Variants in MON2 observed in about 807,000 individuals in gnomAD.
MON2 encodes the protein protein MON2 homolog.
Under a neutral mutation model 208.6 loss-of-function variants are expected in MON2, and 84 were observed. The ratio of observed to expected loss-of-function variants is 0.40; its 90% CI spans 0.34 to 0.48. The LOEUF (loss-of-function observed/expected upper bound fraction) is 0.48. Among genes scored for constraint, MON2 ranks in the 20% least tolerant of loss-of-function variants. The pLI is 0.59. For synonymous variants in MON2, 660 were observed against 694.0 expected (o/e 0.95, Z 0.77); for missense variants, 1,611 against 2,015.4 (o/e 0.80, Z 3.84).
chr12:62,506,883 A>G (rs1441484939), intron 7 of MON2, among the ~76,000 whole-genome samples: 1 of 152,206 alleles, frequency 6.6e-6, no homozygotes, highest in Non-Finnish European at 1.5e-5. Flanking sequence ...GATGACAACA[A>G]CAAAATGTAT....
intron 6 of MON2, 66 bp downstream of exon 6, chr12:62,500,946 G>A (rs964978677): frequency 3.2e-6 from 3 of 930,392 alleles, no homozygotes; most frequent in Non-Finnish European, 4.8e-6. Flanking sequence ...TTTAGTTGGG[G>A]ATTTTATGTC....
rs1158785600 is a variant in MON2 at position 62,513,791 on chromosome 12, C to CA, written c.984+5320dup. On this transcript the variant is annotated intron_variant, in intron 8 of 34. Transcript: ENST00000393630. ...GAAACCCCATCTCTACTAAAAAATA[C>CA]AAAAAAAAACTAGCCGAGCGTGGTG... Among the ~76,000 whole-genome samples the CA allele has an allele frequency of 2.7e-4, 34 of 126,356 alleles. 3 individuals carry two copies. In the East Asian group the frequency reaches 7.5e-3, roughly 28 times the overall value. 82.9% of individuals were successfully genotyped at this position (126,356 alleles called of 152,430 possible). A position where few individuals can be genotyped will look rare whatever the true frequency, so the allele number is the denominator to read the frequency against.
At chr12:62,467,839 A>G (rs1321704599) in intron 1 of MON2, among the ~76,000 whole-genome samples, 1 of 152,224 alleles carries the variant, frequency 6.6e-6, no homozygotes, top group Non-Finnish European at 1.5e-5. Flanking sequence ...GAAGATCCAC[A>G]TAATCATGTT....
chr12:62,519,582 A>G (rs1466437730), intron 8 of MON2, among the ~76,000 whole-genome samples: 1 of 152,212 alleles, frequency 6.6e-6, no homozygotes, highest in Non-Finnish European at 1.5e-5. Context: ...TAAAGAAAAA[A>G]TTATTTTACG....
In MON2 at chr12:62,538,311, G is replaced by A. The variant is rs181083326; in HGVS notation, c.2259G>A (p.Leu753=). 1.2e-6 allele frequency: 2 copies of A among 1,612,548 alleles called. No homozygotes were observed. Among genetic ancestry groups the A allele is most frequent in the Non-Finnish European group, 1.7e-6 (2 of 1,178,670 alleles). The change falls in exon 18 of 35, where the codon TTG becomes TTA. Residue 753 remains leucine, a synonymous_variant. Coordinates refer to ENST00000393630, the MANE Select transcript of MON2 (RefSeq NM_015026.3). ...LPVISNILSR[L]FESSQYLDDV... is the part of the protein sequence containing the mutation. ...TGATTTCCAATATACTTTCAAGATT[G>A]TTTGAAAGCTCACAGTAAGAGTCAG...
At chr12:62,537,825 A>G in intron 16 of MON2, 119 bp downstream of exon 16, 1 of 805,176 alleles carries the variant, frequency 1.2e-6, no homozygotes, top group Admixed American at 2.8e-5. Flanking sequence ...AGTAAGTATG[A>G]AAAAAGAGAA....
intron 4 of MON2, among the ~76,000 whole-genome samples, chr12:62,496,474 T>G (rs2136060855): frequency 6.6e-6 from 1 of 152,246 alleles, no homozygotes; most frequent in South Asian, 2.1e-4. Context: ...TCCTTTATGT[T>G]GAAATCTAAA....
intron 12 of MON2, among the ~76,000 whole-genome samples, chr12:62,533,407 A>AT (rs1301470372): frequency 1.3e-5 from 2 of 152,116 alleles, no homozygotes; most frequent in Admixed American, 6.5e-5. Flanking sequence ...GCATTTTTTT[A>AT]TTTTTTAAAA....
chr12:62,519,230 C>T (rs1418657766), intron 8 of MON2, among the ~76,000 whole-genome samples: 1 of 152,106 alleles, frequency 6.6e-6, no homozygotes, highest in Admixed American at 6.6e-5. Flanking sequence ...CTGTCTGCCA[C>T]CTCTAGCAGC....
rs2073961926 is a variant in MON2, at chr12:62,556,273, C to G, written c.3409+81C>G. 2.3e-6 allele frequency: 3 copies of G among 1,283,622 alleles called. No homozygotes were observed. In the East Asian group the frequency reaches 7.5e-5, roughly 32 times the overall value. The allele number at this position is 1,283,622 out of a possible 1,614,324, so 79.5% of individuals were successfully genotyped here. On this transcript the variant is annotated intron_variant, in intron 25 of 34. Transcript: ENST00000393630. Reference sequence around the variant, plus strand: ...AAAATACAGACGATTCTTTTAGAGTCTATCTTAACTTAGTCTTTATGTGTG... The same window carrying G: ...AAAATACAGACGATTCTTTTAGAGTGTATCTTAACTTAGTCTTTATGTGTG...
chr12:62,500,693 T>C (rs889198812), intron 5 of MON2, 90 bp from the exon 6 acceptor site: 4 of 634,550 alleles, frequency 6.3e-6, no homozygotes, highest in Non-Finnish European at 7.8e-6. Flanking sequence ...TATAAACAAA[T>C]ATTTATTTTA....
intron 4 of MON2, among the ~76,000 whole-genome samples, chr12:62,496,322 A>G (rs2070484903): frequency 6.6e-6 from 1 of 152,176 alleles, no homozygotes. Flanking sequence ...CTACTAAAGA[A>G]ATAAGAACTG....
chr12:62,562,324 A>G (rs1228205096), intron 26 of MON2, among the ~76,000 whole-genome samples: 1 of 151,994 alleles, frequency 6.6e-6, no homozygotes, highest in Non-Finnish European at 1.5e-5. Context: ...TTCAGAAAAA[A>G]ATGTAAGTTT....
chr12:62,560,147 T>C (rs774699568), intron 25 of MON2: 2 of 168,790 alleles, frequency 1.2e-5, no homozygotes, highest in Non-Finnish European at 2.5e-5. Context: ...GGGGTACAAG[T>C]GGTTATTGGT....
At chr12:62,490,377 T>C (rs1400574468) in intron 2 of MON2, among the ~76,000 whole-genome samples, 1 of 152,116 alleles carries the variant, frequency 6.6e-6, no homozygotes. Context: ...TACAAAATGG[T>C]TAAAGTAAAA....
At position 62,546,927 on chromosome 12, in the gene MON2, A is replaced by C; in HGVS notation, c.2608A>C (p.Lys870Gln). The C allele has an allele frequency of 1.2e-6, 2 of 1,612,460 alleles. No homozygotes were observed. The highest frequency in any genetic ancestry group is 1.7e-4 in the Middle Eastern group (1 of 6,050). Residue 870 changes from lysine to glutamine, a missense_variant, in exon 22 of 35, where the codon AAG becomes CAG. Transcript: ENST00000393630. ...RLQLLLLNPL[K>Q]EMSNINHPDI... ...GCAGTTGCTTTTATTGAACCCGTTA[A>C]AGGAGATGTCCAATATTAATCATCC...
chr12:62,582,062 A>T (rs1012035676), intron 32 of MON2, among the ~76,000 whole-genome samples: 1 of 152,206 alleles, frequency 6.6e-6, no homozygotes, highest in Non-Finnish European at 1.5e-5. Context: ...TTTAGCAAAC[A>T]TGAGAATCTC....
At chr12:62,495,321 T>A (rs982893513) in intron 4 of MON2, among the ~76,000 whole-genome samples, 174 bp downstream of exon 4, 1 of 152,044 alleles carries the variant, frequency 6.6e-6, no homozygotes, top group African/African-American at 2.4e-5. Flanking sequence ...CAGGTTAGAG[T>A]TGAAATCACG....
At chr12:62,506,375 G>A (rs950806412) in intron 7 of MON2, among the ~76,000 whole-genome samples, 1 of 152,196 alleles carries the variant, frequency 6.6e-6, no homozygotes, top group African/African-American at 2.4e-5. Context: ...GGTGAGATTA[G>A]GCAAGACTTT....
Sources: allele counts gnomAD v4.1 joint callset (sites outside exome capture counted in the v4.1 genomes callset), GRCh38; gene constraint gnomAD v4.1.1; transcripts MANE v1.5; gene names NCBI Gene and HGNC (gene_info 2026-07-23, HGNC 2026-07-21).